GPAT3: variants seen among roughly 807,000 people sequenced by gnomAD.
The protein encoded by GPAT3 is 1-AGP acyltransferase 9.
In GPAT3, 53 loss-of-function variants were observed where a neutral mutation model predicts 58.8. That is an observed-to-expected ratio of 0.90 (90% CI 0.72 to 1.13). The LOEUF is 1.13. Ranked by LOEUF, GPAT3 falls within the 50% of genes most tolerant of loss-of-function variation. GPAT3 has a pLI of 0.00. For synonymous variants in GPAT3, 197 were observed against 187.4 expected (o/e 1.05, Z -0.42); for missense variants, 511 against 527.6 (o/e 0.97, Z 0.31).
chr4:83,548,692 A>G (rs1724633968), intron 2 of GPAT3, among the ~76,000 whole-genome samples: 1 of 151,998 alleles, frequency 6.6e-6, no homozygotes, highest in Non-Finnish European at 1.5e-5. Flanking sequence ...AACCACTGCA[A>G]GTCTTACCCC....
intron 2 of GPAT3, among the ~76,000 whole-genome samples, chr4:83,562,215 A>AT (rs1725185491): frequency 1.8e-4 from 4 of 21,890 alleles, no homozygotes; most frequent in African/African-American, 1.3e-3. Flanking sequence ...TATATATTAT[A>AT]TATATATATA....
chr4:83,547,246 CTTTTTTTT>C (rs10618385), intron 2 of GPAT3, among the ~76,000 whole-genome samples: 3 of 82,204 alleles, frequency 3.6e-5, no homozygotes, highest in South Asian at 4.0e-4. Context: ...TTCTACTGCT[CTTTTTTTT>C]TTTTTTTTTT....
At chr4:83,545,693 G>A (rs910986012) in intron 2 of GPAT3, among the ~76,000 whole-genome samples, 5 of 152,034 alleles carry the variant, frequency 3.3e-5, no homozygotes, top group South Asian at 2.1e-4. Flanking sequence ...TACCAAGTCC[G>A]GATATTTCTG....
chr4:83,581,890 A>G lies in GPAT3; in HGVS notation c.479+58A>G, dbSNP rs184222332. 67 of 1,549,768 alleles carry G rather than the reference A, an allele frequency of 4.3e-5. No individual in the cohort carries two copies. In the African/African-American group the frequency reaches 8.6e-4, roughly 20 times the overall value. On this transcript the variant is annotated intron_variant, in intron 3 of 11. Coordinates refer to ENST00000264409, the MANE Select transcript of GPAT3 (RefSeq NM_032717.5). Reference sequence around the variant, plus strand: ...CTTGACTCAGCTTTCTTTTTGAATCATGTACATAATGGCCACGTAAGTGTT... The same window carrying G: ...CTTGACTCAGCTTTCTTTTTGAATCGTGTACATAATGGCCACGTAAGTGTT...
At chr4:83,601,647 C>T (rs560487901) in intron 11 of GPAT3, among the ~76,000 whole-genome samples, 7 of 152,298 alleles carry the variant, frequency 4.6e-5, no homozygotes, top group East Asian at 1.9e-4. Flanking sequence ...CCCAGCTACT[C>T]GGGAGGCTGA....
In GPAT3 at chr4:83,604,648, AT is replaced by A; in HGVS notation, c.1206-17del. ...CACCGCTGTAAAGTATCTTTTATGT[AT>A]TTGTCTTTCTGTTTGCAGGGATGGA... is the stretch of plus-strand genomic sequence containing the variant. On this transcript the variant is annotated intron_variant, in intron 11 of 11. Coordinates refer to ENST00000264409, the MANE Select transcript of GPAT3 (RefSeq NM_032717.5). 2 of 1,593,142 alleles carry A rather than the reference AT, an allele frequency of 1.3e-6. No individual in the cohort carries two copies. The highest frequency in any genetic ancestry group is 2.2e-5 in the South Asian group (2 of 90,294).
chr4:83,560,192 G>A (rs142882258), intron 2 of GPAT3, among the ~76,000 whole-genome samples: 1 of 152,300 alleles, frequency 6.6e-6, no homozygotes, highest in African/African-American at 2.4e-5. Flanking sequence ...GGCCCATGAA[G>A]TTTCCAGAAG....
Position 83,546,778 on chromosome 4 carries a change from A to G in GPAT3, c.208+2176A>G, listed in dbSNP as rs145129096. On this transcript the variant is annotated intron_variant, in intron 2 of 11. Coordinates refer to ENST00000264409, the MANE Select transcript of GPAT3 (RefSeq NM_032717.5). ...GTGATAAATACTGAAATAGGTGCAT[A>G]AGCAAAGGACAGTGTGAGATCTAAT... Among the ~76,000 whole-genome samples, 28 of 152,282 alleles carry G rather than the reference A, an allele frequency of 1.8e-4. No individual in the cohort carries two copies. In the East Asian group the frequency reaches 5.4e-3, roughly 29 times the overall value.
chr4:83,604,700 A>G lies in GPAT3; in HGVS notation c.1238A>G (p.Asp413Gly). ...DGGLKRAKVK[D>G]IFKEEQQKNY... ...GGACTAAAGAGAGCAAAGGTGAAGG[A>G]CATCTTTAAGGAAGAGCAGCAGAAA... The change falls in exon 12 of 12, where the codon GAC becomes GGC. Residue 413 changes from aspartate (D) to glycine (G), a missense_variant. Transcript: ENST00000264409. 6.2e-7 allele frequency: 1 copy of G among 1,614,022 alleles called. No homozygotes were observed. The highest frequency in any genetic ancestry group is 8.5e-7 in the Non-Finnish European group (1 of 1,179,958).
At chr4:83,601,071 G>A (rs1203080878) in intron 11 of GPAT3, among the ~76,000 whole-genome samples, 1 of 152,218 alleles carries the variant, frequency 6.6e-6, no homozygotes, top group Non-Finnish European at 1.5e-5. Context: ...TCGAAGAAGG[G>A]CTGGCTAGAT....
intron 2 of GPAT3, among the ~76,000 whole-genome samples, 195 bp from the exon 3 acceptor site, chr4:83,581,367 A>G (rs898831914): frequency 3.3e-5 from 5 of 152,090 alleles, no homozygotes; most frequent in Non-Finnish European, 7.3e-5. Context: ...GGTAGAGGCC[A>G]TTTCATGCAG....
chr4:83,567,949 T>C (rs1381508114), intron 2 of GPAT3, among the ~76,000 whole-genome samples: 1 of 152,226 alleles, frequency 6.6e-6, no homozygotes, highest in African/African-American at 2.4e-5. Flanking sequence ...AATAGAAAAT[T>C]ATCTGTTTAC....
At position 83,598,117 on chromosome 4, in the gene GPAT3, C is replaced by T. The variant is rs143173203; in HGVS notation, c.1063C>T (p.Arg355Ter). 42 of 1,613,628 alleles carry T rather than the reference C, an allele frequency of 2.6e-5. No individual in the cohort carries two copies. In the South Asian group the frequency reaches 2.6e-4, roughly 10 times the overall value. Residue 355 changes from arginine (R) to a stop codon, truncating the protein, a stop_gained, in exon 10 of 12, where the codon CGA (arginine) becomes TGA (stop). Transcript: ENST00000264409. LOFTEE classifies it high-confidence loss of function. Reference sequence around the variant, plus strand: ...ATACAACATGGTGAGCTACCTGCTTCGAATGATGACCAGCTGGGCCATCGT... The same window carrying T: ...ATACAACATGGTGAGCTACCTGCTTTGAATGATGACCAGCTGGGCCATCGT... ...SKYNMVSYLLRMMTSWAIVCD... is the reference protein window; with the variant it reads ...SKYNMVSYLL
At chr4:83,542,994 C>T (rs1724364885) in intron 1 of GPAT3, among the ~76,000 whole-genome samples, 1 of 150,972 alleles carries the variant, frequency 6.6e-6, no homozygotes, top group South Asian at 2.1e-4. Flanking sequence ...GCGAAAACTC[C>T]TTCTCAAAAA....
At chr4:83,588,411 A>G in intron 5 of GPAT3, 112 bp downstream of exon 5, 2 of 921,984 alleles carry the variant, frequency 2.2e-6, no homozygotes, top group Non-Finnish European at 3.4e-6. Context: ...AGTGCTTCCA[A>G]TGTGTTCATC....
chr4:83,576,629 G>C (rs1042986597), intron 2 of GPAT3, among the ~76,000 whole-genome samples: 36 of 151,866 alleles, frequency 2.4e-4, no homozygotes, highest in African/African-American at 7.7e-4. Context: ...ATTTTTATTA[G>C]AGATGGGATT....
At chr4:83,538,043 T>C (rs1724168618) in intron 1 of GPAT3, among the ~76,000 whole-genome samples, 1 of 152,224 alleles carries the variant, frequency 6.6e-6, no homozygotes, top group African/African-American at 2.4e-5. Flanking sequence ...AAGAATAATA[T>C]GATTACTGAG....
In GPAT3 at chr4:83,598,121, T is replaced by C; in HGVS notation, c.1067T>C (p.Met356Thr). 1.2e-6 allele frequency: 2 copies of C among 1,613,786 alleles called. No homozygotes were observed. Among genetic ancestry groups the C allele is most frequent in the South Asian group, 1.1e-5 (1 of 91,022 alleles). ...AACATGGTGAGCTACCTGCTTCGAA[T>C]GATGACCAGCTGGGCCATCGTCTGT... is the stretch of plus-strand genomic sequence containing the variant. ...KYNMVSYLLR[M>T]MTSWAIVCDV... Residue 356 changes from methionine (M) to threonine (T), a missense_variant, in exon 10 of 12, where the codon ATG becomes ACG. Physicochemically the swap from Met to Thr is moderately conservative, Grantham distance 81. Coordinates refer to ENST00000264409, the MANE Select transcript of GPAT3 (RefSeq NM_032717.5).
At chr4:83,540,061 G>A (rs1724238178) in intron 1 of GPAT3, among the ~76,000 whole-genome samples, 3 of 151,850 alleles carry the variant, frequency 2.0e-5, no homozygotes, top group Non-Finnish European at 4.4e-5. Flanking sequence ...AGGAGGCTGA[G>A]GCTGAGAATC....
Sources: gnomAD v4.1 joint callset for allele counts (sites outside exome capture counted in the v4.1 genomes callset) on GRCh38, gnomAD v4.1.1 for gene constraint, MANE v1.5 for transcripts, NCBI Gene and HGNC (gene_info 2026-07-23, HGNC 2026-07-21) for gene names.